The following CHCHD3 variants were observed in gnomAD, a reference collection of about 807,000 sequenced individuals.
The protein encoded by CHCHD3 is coiled-coil-helix-coiled-coil-helix domain containing 3.
A neutral mutation model predicts 38.2 loss-of-function variants in CHCHD3; 20 were observed. That is an observed-to-expected ratio of 0.52 (90% CI 0.37 to 0.76). The LOEUF (loss-of-function observed/expected upper bound fraction) is 0.76. CHCHD3 is among the 30% of genes least tolerant of loss of function. CHCHD3 has a pLI of 0.00. For missense variants in CHCHD3, 245 were observed against 279.2 expected (o/e 0.88, Z 0.87); for synonymous variants, 82 against 100.0 (o/e 0.82, Z 1.07).
At chr7:132,893,964 G>A (rs1809432477) in intron 4 of CHCHD3, among the ~76,000 whole-genome samples, 1 of 152,160 alleles carries the variant, frequency 6.6e-6, no homozygotes, top group Non-Finnish European at 1.5e-5. Flanking sequence ...TAATGCAAAA[G>A]TATATCTGCT....
At chr7:132,973,945 C>A in intron 4 of CHCHD3, 1 of 1,284,248 alleles carries the variant, frequency 7.8e-7, no homozygotes. Context: ...CGAGGAGTAA[C>A]ATCTGGGTTT....
intron 2 of CHCHD3, among the ~76,000 whole-genome samples, chr7:133,055,081 T>A (rs1814278184): frequency 6.6e-6 from 1 of 151,978 alleles, no homozygotes; most frequent in Non-Finnish European, 1.5e-5. Context: ...TCCCAGCTAC[T>A]TGGAAGGCTG....
chr7:132,874,991 T>C (rs1018460363), intron 5 of CHCHD3, among the ~76,000 whole-genome samples: 1 of 152,006 alleles, frequency 6.6e-6, no homozygotes, highest in Non-Finnish European at 1.5e-5. Context: ...GCCCTCAGAT[T>C]AGGAATTCCA....
At chr7:132,878,458 A>T (rs1428940350) in intron 5 of CHCHD3, among the ~76,000 whole-genome samples, 7 of 152,226 alleles carry the variant, frequency 4.6e-5, no homozygotes, top group African/African-American at 1.7e-4. Flanking sequence ...ACTTTTAAAA[A>T]TTGCTCATTT....
At chr7:132,926,426 T>A (rs1810379046) in intron 4 of CHCHD3, among the ~76,000 whole-genome samples, 1 of 152,090 alleles carries the variant, frequency 6.6e-6, no homozygotes, top group African/African-American at 2.4e-5. Flanking sequence ...AGAATATAGA[T>A]CCTGGAGCTG....
At chr7:132,841,049 T>C (rs1173316206) in intron 5 of CHCHD3, among the ~76,000 whole-genome samples, 2 of 152,164 alleles carry the variant, frequency 1.3e-5, no homozygotes, top group Non-Finnish European at 2.9e-5. Context: ...GTTTCCCATA[T>C]TGCATAAATC....
chr7:132,857,329 C>T (rs752152020), intron 5 of CHCHD3, among the ~76,000 whole-genome samples: 18 of 152,138 alleles, frequency 1.2e-4, no homozygotes, highest in South Asian at 2.1e-4. Flanking sequence ...ACAGTATCCC[C>T]GACAAGTGAT....
At chr7:132,820,134 A>C (rs904083333) in intron 6 of CHCHD3, among the ~76,000 whole-genome samples, 2 of 151,212 alleles carry the variant, frequency 1.3e-5, no homozygotes, top group Non-Finnish European at 3.0e-5. Context: ...CAAGCTGTTA[A>C]AAAAAAAAGT....
At chr7:132,991,569 T>G (rs1812285672) in intron 3 of CHCHD3, among the ~76,000 whole-genome samples, 1 of 152,028 alleles carries the variant, frequency 6.6e-6, no homozygotes, top group Non-Finnish European at 1.5e-5. Context: ...CTCCCCCAAC[T>G]CCCACCAAAA....
At chr7:132,791,650 A>T (rs10259095) in intron 7 of CHCHD3, among the ~76,000 whole-genome samples, 1 of 152,190 alleles carries the variant, frequency 6.6e-6, no homozygotes, top group Non-Finnish European at 1.5e-5. Context: ...ATATAAATAC[A>T]GTTCACCGGG....
intron 4 of CHCHD3, among the ~76,000 whole-genome samples, chr7:132,919,353 C>T (rs1229916332): frequency 1.3e-5 from 2 of 151,850 alleles, no homozygotes; most frequent in South Asian, 2.1e-4. Context: ...CCTCGTGATC[C>T]GCCCGCCTCG....
chr7:132,798,399 C>A (rs141136903), intron 6 of CHCHD3, among the ~76,000 whole-genome samples: 4 of 152,062 alleles, frequency 2.6e-5, no homozygotes, highest in Non-Finnish European at 5.9e-5. Flanking sequence ...TCCTTTACCA[C>A]GAACATCAGG....
intron 5 of CHCHD3, chr7:132,849,504 G>C (rs1000155227): frequency 1.3e-5 from 2 of 152,086 alleles, no homozygotes; most frequent in Non-Finnish European, 2.9e-5. Flanking sequence ...AAATAACCAA[G>C]TTAGCAGTTT....
chr7:132,894,819 G>T (rs2117190475), intron 4 of CHCHD3, among the ~76,000 whole-genome samples: 1 of 152,348 alleles, frequency 6.6e-6, no homozygotes. Flanking sequence ...GTGATTTTAT[G>T]TGTACATTAT....
chr7:133,035,797 G>A lies in CHCHD3; in HGVS notation c.170-11170C>T. 3.7e-6 allele frequency: 6 copies of A among 1,613,152 alleles called. No individual in the cohort carries two copies. The highest frequency in any genetic ancestry group is 5.1e-6 in the Non-Finnish European group (6 of 1,179,182). ...AGAAATTCAGAGGTGCGGTTGGTTT[G>A]GCCAAAATGGAAGTGGGGTGGTGCG... On this transcript the variant is annotated intron_variant, in intron 2 of 7. Coordinates refer to ENST00000262570, the MANE Select transcript of CHCHD3 (RefSeq NM_017812.4). The surrounding 1 kb of genome is among the most constrained non-coding windows in gnomAD (Gnocchi z 4.7).
At chr7:133,000,241 C>T (rs1037368071) in intron 3 of CHCHD3, among the ~76,000 whole-genome samples, 2 of 152,110 alleles carry the variant, frequency 1.3e-5, no homozygotes, top group Non-Finnish European at 2.9e-5. Context: ...GCTACAATTT[C>T]AATGAAAAAT....
In CHCHD3 at chr7:132,844,153, C is replaced by G. The variant is rs186396853; in HGVS notation, c.454-5684G>C. 3.3e-5 allele frequency among the ~76,000 whole-genome samples: 5 copies of G among 152,272 alleles called. No homozygotes were observed. The East Asian group carries it at 9.6e-4, about 29-fold the overall frequency. ...CATCTCTACTAAAAATACAAATTAG[C>G]CAGCTGTGGTTGCGGGTACCTGTAG... On this transcript the variant is annotated intron_variant, in intron 5 of 7. Coordinates refer to ENST00000262570, the MANE Select transcript of CHCHD3 (RefSeq NM_017812.4).
At chr7:132,826,408 G>A (rs1807510193) in intron 6 of CHCHD3, among the ~76,000 whole-genome samples, 1 of 152,158 alleles carries the variant, frequency 6.6e-6, no homozygotes, top group African/African-American at 2.4e-5. Context: ...AGTGTTTCTT[G>A]CCAGCTTCAT....
intron 2 of CHCHD3, among the ~76,000 whole-genome samples, chr7:133,060,972 CAAA>C (rs998788192): frequency 1.1e-3 from 171 of 152,170 alleles, no homozygotes; most frequent in African/African-American, 4.0e-3. Flanking sequence ...TATGACTAGA[CAAA>C]GAAGTTCAAC....
Sources: gnomAD v4.1 joint callset for allele counts (sites outside exome capture counted in the v4.1 genomes callset) on GRCh38, gnomAD v4.1.1 for gene constraint, Gnocchi (gnomAD v3.1) non-coding constraint, MANE v1.5 for transcripts, NCBI Gene and HGNC (gene_info 2026-07-23, HGNC 2026-07-21) for gene names.